Variants in SYNRG observed in about 807,000 individuals in gnomAD.
The protein encoded by SYNRG is synergin gamma.
SYNRG carries 37 observed loss-of-function variants against 130.9 expected under a neutral mutation model. The observed-to-expected ratio is 0.28, with a 90% CI of 0.22 to 0.37. The LOEUF (loss-of-function observed/expected upper bound fraction) is 0.37. Ranked by LOEUF, SYNRG falls within the 10% of genes least tolerant of loss-of-function variation. SYNRG has a pLI of 1.00. For synonymous variants in SYNRG, 539 were observed against 568.1 expected (o/e 0.95, Z 0.73); for missense variants, 1,338 against 1,588.9 (o/e 0.84, Z 2.68).
At position 37,538,371 on chromosome 17, in the gene SYNRG, A is replaced by T; in HGVS notation, c.3470T>A (p.Val1157Asp). Residue 1157 changes from valine to aspartate, a missense_variant, in exon 18 of 22, where the codon GTT becomes GAT. Around this residue, in one of 3 missense-constraint regions of SYNRG, gnomAD observed 1,146 missense variants for 1,342.3 expected, o/e 0.85. Transcript: ENST00000612223. Reference protein sequence around the residue: ...DTLNGISSSSVCTEVIQSAQG... With the variant: ...DTLNGISSSSDCTEVIQSAQG... ...AGCTGACTGAATTACTTCTGTGCAAACAGAACTACTACTGATTCCATTTAA... is the reference window on the plus strand; with the variant it reads ...AGCTGACTGAATTACTTCTGTGCAATCAGAACTACTACTGATTCCATTTAA... The T allele has an allele frequency of 1.2e-6, 2 of 1,611,842 alleles. No homozygotes were observed. The highest frequency in any genetic ancestry group is 1.7e-6 in the Non-Finnish European group (2 of 1,179,456).
chr17:37,576,505 C>T, intron 7 of SYNRG, 87 bp from the exon 8 acceptor site: 1 of 1,234,380 alleles, frequency 8.1e-7, no homozygotes, highest in Non-Finnish European at 1.1e-6. Flanking sequence ...ACAAAGAGCA[C>T]TGGCTGGAGA....
At chr17:37,562,443 A>G (rs543372434) in intron 11 of SYNRG, among the ~76,000 whole-genome samples, 16 of 152,284 alleles carry the variant, frequency 1.1e-4, no homozygotes, top group Admixed American at 7.8e-4. Flanking sequence ...GCTCCCTGGA[A>G]GAACCACCTT....
At chr17:37,562,117 T>C (rs887439921) in intron 11 of SYNRG, among the ~76,000 whole-genome samples, 2 of 152,222 alleles carry the variant, frequency 1.3e-5, no homozygotes, top group Admixed American at 6.5e-5. Flanking sequence ...AAAATGTAAA[T>C]TGTTTTTCTT....
intron 12 of SYNRG, 97 bp from the exon 13 acceptor site, chr17:37,561,354 A>G: frequency 6.9e-7 from 1 of 1,442,440 alleles, no homozygotes. Flanking sequence ...CACTATTAAC[A>G]TGTGGTATAC....
rs778914479 is a variant in SYNRG, at chr17:37,576,322, G to A, written c.901+19C>T. The A allele has an allele frequency of 9.9e-6, 16 of 1,610,814 alleles. No individual in the cohort carries two copies. The East Asian group carries it at 3.1e-4, about 31-fold the overall frequency. On this transcript the variant is annotated intron_variant, in intron 8 of 21. Coordinates refer to ENST00000612223, the MANE Select transcript of SYNRG (RefSeq NM_007247.6). ...CCAAAATATCCAGATGGGAATCCTG[G>A]GTAAAGAAGCTTTTTTACCTGGAAC... is the stretch of plus-strand genomic sequence containing the variant.
intron 6 of SYNRG, among the ~76,000 whole-genome samples, chr17:37,582,755 C>T (rs1016780535): frequency 3.3e-5 from 5 of 151,832 alleles, no homozygotes; most frequent in Non-Finnish European, 4.4e-5. Context: ...CGGTTACTCA[C>T]GAGGTTGAAG....
chr17:37,572,649 G>A (rs1445148473), intron 8 of SYNRG, among the ~76,000 whole-genome samples: 1 of 152,132 alleles, frequency 6.6e-6, no homozygotes, highest in Non-Finnish European at 1.5e-5. Context: ...GCAATGGGAA[G>A]TAAGAATTAT....
intron 1 of SYNRG, among the ~76,000 whole-genome samples, chr17:37,602,581 A>G (rs1274941124): frequency 6.6e-6 from 1 of 152,266 alleles, no homozygotes; most frequent in Non-Finnish European, 1.5e-5. Flanking sequence ...AGATTAAAAA[A>G]TAAATCACTG....
rs181765765 is a variant in SYNRG, at chr17:37,535,324, T to C, written c.3666+655A>G. Reference sequence around the variant, plus strand: ...ATTGCATGCTTGTTAAATTAAGAAATTGATAGGACATAATGTAGAGAAATG... The same window carrying C: ...ATTGCATGCTTGTTAAATTAAGAAACTGATAGGACATAATGTAGAGAAATG... On this transcript the variant is annotated intron_variant, in intron 19 of 21. Coordinates refer to ENST00000612223, the MANE Select transcript of SYNRG (RefSeq NM_007247.6). Among the ~76,000 whole-genome samples the C allele has an allele frequency of 4.6e-5, 7 of 152,256 alleles. No individual in the cohort carries two copies. In the East Asian group the frequency reaches 9.6e-4, roughly 21 times the overall value.
In SYNRG at chr17:37,520,516, G is replaced by T. The variant is rs199670907; in HGVS notation, c.3777+22C>A. 1.1e-4 allele frequency: 173 copies of T among 1,605,866 alleles called. 1 individual carries two copies. In the African/African-American group the frequency reaches 1.9e-3, roughly 18 times the overall value. ...ATGTTAGGGAAGCCCTTTGCTGTCT[G>T]CAAGGAGGCTGCGTGACTTACCCGG... On this transcript the variant is annotated intron_variant, in intron 20 of 21. Transcript: ENST00000612223.
Position 37,577,495 on chromosome 17 carries a change from C to T in SYNRG, c.708G>A (p.Lys236=). The change falls in exon 7 of 22, where the codon AAG becomes AAA. Residue 236 remains lysine, a synonymous_variant. Coordinates refer to ENST00000612223, the MANE Select transcript of SYNRG (RefSeq NM_007247.6). ...GHKALGPGSS[K]KYPSLMASNG... is the part of the protein sequence containing the mutation. ...TACTGGCCATTAAACTGGGATACTT[C>T]TTACTGGAACCTGGGCCTAGGGCTT... The T allele has an allele frequency of 6.2e-7, 1 of 1,614,148 alleles. No homozygotes were observed. The highest frequency in any genetic ancestry group is 1.7e-5 in the Admixed American group (1 of 60,014).
chr17:37,548,280 CTCTT>C (rs1249782404), intron 14 of SYNRG, among the ~76,000 whole-genome samples: 1 of 152,200 alleles, frequency 6.6e-6, no homozygotes, highest in African/African-American at 2.4e-5. Flanking sequence ...ACACTAAGAT[CTCTT>C]TCTTTCAAAT....
intron 11 of SYNRG, among the ~76,000 whole-genome samples, chr17:37,565,221 G>A (rs530879751): frequency 2.0e-5 from 3 of 151,876 alleles, no homozygotes; most frequent in South Asian, 4.2e-4. Context: ...CCGAGATCGC[G>A]CAACTGCACT....
chr17:37,582,732 G>A (rs997023787), intron 6 of SYNRG, among the ~76,000 whole-genome samples: 4 of 151,994 alleles, frequency 2.6e-5, no homozygotes, highest in African/African-American at 7.3e-5. Flanking sequence ...GTGGTGGTGC[G>A]CATCTGTAGT....
chr17:37,546,954 T>G (rs2058330421), intron 14 of SYNRG, among the ~76,000 whole-genome samples: 1 of 152,186 alleles, frequency 6.6e-6, no homozygotes, highest in South Asian at 2.1e-4. Context: ...GATCTACCTA[T>G]GAGATCAGTC....
intron 11 of SYNRG, among the ~76,000 whole-genome samples, chr17:37,562,584 TCAGTGGCTTACAAG>T (rs1235477096): frequency 6.6e-6 from 1 of 152,200 alleles, no homozygotes; most frequent in African/African-American, 2.4e-5. Flanking sequence ...AACCTTCTTA[TCAGTGGCTTACAAG>T]CAAGGTAAAA....
chr17:37,548,427 TCA>T (rs1263490856), intron 14 of SYNRG, among the ~76,000 whole-genome samples: 3 of 152,244 alleles, frequency 2.0e-5, no homozygotes, highest in Admixed American at 6.5e-5. Flanking sequence ...CTGGCTTTTC[TCA>T]GAGTTAACCT....
intron 19 of SYNRG, among the ~76,000 whole-genome samples, chr17:37,524,139 T>A (rs543812619): frequency 6.6e-6 from 1 of 152,346 alleles, no homozygotes; most frequent in African/African-American, 2.4e-5. Context: ...GAGCCTGGCA[T>A]GGCAGTTGGT....
At chr17:37,604,188 C>T (rs968175574) in intron 1 of SYNRG, among the ~76,000 whole-genome samples, 5 of 150,376 alleles carry the variant, frequency 3.3e-5, no homozygotes, top group Non-Finnish European at 7.4e-5. Flanking sequence ...TACATTGAGG[C>T]GAGATCACGC....
Sources: gnomAD v4.1 joint callset for allele counts (sites outside exome capture counted in the v4.1 genomes callset) on GRCh38, gnomAD v4.1.1 for gene constraint, gnomAD v4.1.1 regional missense constraint, MANE v1.5 for transcripts, NCBI Gene and HGNC (gene_info 2026-07-23, HGNC 2026-07-21) for gene names.